Variants in STK10 observed in about 807,000 individuals in gnomAD.
STK10 encodes serine/threonine kinase 10, also known as serine/threonine-protein kinase 10.
STK10 carries 78 observed loss-of-function variants against 113.8 expected under a neutral mutation model. The ratio of observed to expected loss-of-function variants is 0.69; its 90% confidence interval spans 0.57 to 0.83. STK10 has a LOEUF of 0.83. STK10 is among the 40% of genes least tolerant of loss of function. The pLI is 0.00. For synonymous variants in STK10, 465 were observed against 494.7 expected, an observed-to-expected ratio of 0.94 and a Z score of 0.80; for missense variants, 1,109 against 1,280.1, an observed-to-expected ratio of 0.87 and a Z score of 2.04.
rs1167790402 is a variant in STK10, at chr5:172,064,868, A to G, written c.1990-56T>C. 15 of 1,586,148 alleles carry G rather than the reference A, an allele frequency of 9.5e-6. No individual in the cohort carries two copies. In the East Asian group the frequency reaches 2.9e-4, roughly 31 times the overall value. On this transcript the variant is annotated intron_variant, in intron 12 of 18. Transcript: ENST00000176763. ...TCAGGGTCCTCTCCATGCTTCCTACAGTATAATCTTCAACGCAGAACCCCC... is the reference window on the plus strand; with the variant it reads ...TCAGGGTCCTCTCCATGCTTCCTACGGTATAATCTTCAACGCAGAACCCCC...
At chr5:172,175,316 G>A (rs1205267625) in intron 1 of STK10, among the ~76,000 whole-genome samples, 1 of 152,040 alleles carries the variant, frequency 6.6e-6, no homozygotes, top group South Asian at 2.1e-4. Flanking sequence ...GGGGAGAAGG[G>A]AAAAAATGCA....
intron 1 of STK10, among the ~76,000 whole-genome samples, chr5:172,175,745 G>A (rs557414267): frequency 8.5e-5 from 13 of 152,108 alleles, no homozygotes; most frequent in Non-Finnish European, 1.8e-4. Flanking sequence ...CAACAAGCCC[G>A]TTTGTCTTTC....
rs116472560 is a variant in STK10, at chr5:172,127,362, G to A, written c.370+11C>T. 1.2e-6 allele frequency: 2 copies of A among 1,613,804 alleles called. No individual in the cohort carries two copies. The highest frequency in any genetic ancestry group is 2.2e-5 in the East Asian group (1 of 44,870). ...TGGTCCCGACAATGCACCGAATCAA[G>A]TAAGACTCACCCAGCATGATGGCGT... On this transcript the variant is annotated intron_variant, in intron 3 of 18. Coordinates refer to ENST00000176763, the MANE Select transcript of STK10 (RefSeq NM_005990.4).
intron 1 of STK10, among the ~76,000 whole-genome samples, chr5:172,179,116 C>T (rs1253163771): frequency 6.6e-6 from 1 of 152,224 alleles, no homozygotes; most frequent in Non-Finnish European, 1.5e-5. Flanking sequence ...CTCCATCTGA[C>T]ACCAAGAGCA....
intron 2 of STK10, among the ~76,000 whole-genome samples, chr5:172,142,026 G>C (rs1308765876): frequency 2.0e-5 from 3 of 152,204 alleles, no homozygotes; most frequent in Non-Finnish European, 4.4e-5. Context: ...TGGGAATACA[G>C]CAGTGAAAAA....
intron 9 of STK10, among the ~76,000 whole-genome samples, chr5:172,091,844 T>C (rs1768717416): frequency 6.6e-6 from 1 of 152,216 alleles, no homozygotes; most frequent in Non-Finnish European, 1.5e-5. Context: ...AAGACTCTTT[T>C]TGGTGTAGCC....
intron 15 of STK10, among the ~76,000 whole-genome samples, chr5:172,056,499 C>G (rs1767763524): frequency 6.6e-6 from 1 of 151,692 alleles, no homozygotes; most frequent in Admixed American, 6.6e-5. Context: ...TGAGGGAATG[C>G]ACAAGAAAGA....
chr5:172,148,447 A>G (rs756598563), intron 2 of STK10, among the ~76,000 whole-genome samples: 83 of 152,098 alleles, frequency 5.5e-4, no homozygotes, highest in African/African-American at 1.8e-3. Context: ...TGGAATGACA[A>G]TCACCCTTGC....
intron 12 of STK10, among the ~76,000 whole-genome samples, chr5:172,072,459 G>A (rs917903661): frequency 5.3e-5 from 8 of 152,190 alleles, no homozygotes; most frequent in Middle Eastern, 3.4e-3. Context: ...GTAGAGATGG[G>A]GTTTCACCCT....
rs1051022553 is a variant in STK10, at chr5:172,156,850, G to A, written c.157-62C>T. 69 of 1,559,154 alleles carry A rather than the reference G, an allele frequency of 4.4e-5. 1 individual carries two copies. In the Admixed American group the frequency reaches 6.2e-4, roughly 14 times the overall value. On this transcript the variant is annotated intron_variant, in intron 1 of 18. Coordinates refer to ENST00000176763, the MANE Select transcript of STK10 (RefSeq NM_005990.4). ...CTCCGCAGGAAACTGACCTTTGGAC[G>A]TGAGCCCGCAGTCCTGCATGAGTGT...
intron 7 of STK10, 38 bp downstream of exon 7, chr5:172,105,616 CCA>C: frequency 6.2e-7 from 1 of 1,607,748 alleles, no homozygotes; most frequent in Non-Finnish European, 8.5e-7. Context: ...TCATTAGGCT[CCA>C]CCCTTCAGGG....
At chr5:172,167,324 A>G (rs1273915192) in intron 1 of STK10, among the ~76,000 whole-genome samples, 1 of 152,240 alleles carries the variant, frequency 6.6e-6, no homozygotes, top group Non-Finnish European at 1.5e-5. Flanking sequence ...ACAAGAAGAT[A>G]ATACAGTAAT....
intron 14 of STK10, among the ~76,000 whole-genome samples, chr5:172,058,826 G>A (rs915439435): frequency 6.6e-6 from 1 of 152,112 alleles, no homozygotes; most frequent in Non-Finnish European, 1.5e-5. Context: ...GGAGGCAGAG[G>A]CTGCAGTGAG....
At chr5:172,106,287 G>A (rs3103588) in intron 6 of STK10, among the ~76,000 whole-genome samples, 21,014 of 150,934 alleles carry the variant, frequency 0.14, 1,569 homozygotes, top group African/African-American at 0.2. Flanking sequence ...CTGTACTCTC[G>A]GCTACAAGGG....
chr5:172,174,418 C>T lies in STK10; in HGVS notation c.156+13469G>A, dbSNP rs1236950095. Among the ~76,000 whole-genome samples, 4 of 152,086 alleles carry T rather than the reference C, an allele frequency of 2.6e-5. No homozygotes were observed. In the East Asian group the frequency reaches 5.8e-4, roughly 22 times the overall value. ...AACTCTTGACCTCAGATGATCCACC[C>T]GCCTCGGCCTCCCAAAGTGCTGGGA... On this transcript the variant is annotated intron_variant, in intron 1 of 18. Transcript: ENST00000176763.
intron 2 of STK10, among the ~76,000 whole-genome samples, chr5:172,151,566 C>T (rs1304591699): frequency 6.6e-6 from 1 of 152,126 alleles, no homozygotes; most frequent in Non-Finnish European, 1.5e-5. Context: ...AGGCTGGTCT[C>T]AAACGCCTGA....
rs1005691410 is a variant in STK10, at chr5:172,107,788, C to T, written c.585G>A (p.Thr195=). The T allele has an allele frequency of 2.0e-5, 33 of 1,613,960 alleles. No individual in the cohort carries two copies. The highest frequency in any genetic ancestry group is 1.0e-4 in the Admixed American group (6 of 59,986). ...TLQKRDSFIG[T]PYWMAPEVVM... is the part of the protein sequence containing the mutation. ...GAAGCTACACGACTCACCAGTAAGG[C>T]GTGCCGATGAAGGAATCTCGTTTCT... The change falls in exon 5 of 19, where the codon ACG becomes ACA. Residue 195 remains threonine (T), a synonymous_variant. Coordinates refer to ENST00000176763, the MANE Select transcript of STK10 (RefSeq NM_005990.4).
chr5:172,178,799 G>T (rs974734457), intron 1 of STK10, among the ~76,000 whole-genome samples: 3 of 152,166 alleles, frequency 2.0e-5, no homozygotes, highest in Non-Finnish European at 4.4e-5. Context: ...ATAAAGGAAC[G>T]CTCGTCTGCA....
At chr5:172,147,866 C>G (rs942498512) in intron 2 of STK10, among the ~76,000 whole-genome samples, 6 of 152,128 alleles carry the variant, frequency 3.9e-5, no homozygotes, top group African/African-American at 1.2e-4. Context: ...CCTAACTCAC[C>G]CAACATGATA....
Sources: allele counts gnomAD v4.1 joint callset (sites outside exome capture counted in the v4.1 genomes callset), GRCh38; gene constraint gnomAD v4.1.1; transcripts MANE v1.5; gene names NCBI Gene and HGNC (gene_info 2026-07-23, HGNC 2026-07-21).